ADAMTS19: variants seen among roughly 807,000 people sequenced by gnomAD.
The protein encoded by ADAMTS19 is A disintegrin and metalloproteinase with thrombospondin motifs 19.
Under a neutral mutation model 153.3 loss-of-function variants are expected in ADAMTS19, and 93 were observed. The observed-to-expected ratio is 0.61, with a 90% CI of 0.51 to 0.72. The LOEUF (loss-of-function observed/expected upper bound fraction) is 0.72, where lower values mean the gene tolerates loss of function less well. ADAMTS19 is among the 30% of genes least tolerant of loss of function. ADAMTS19 has a pLI of 0.00. For synonymous variants in ADAMTS19, 600 were observed against 556.6 expected, an observed-to-expected ratio of 1.08 and a Z score of -1.10; for missense variants, 1,482 against 1,552.1, an observed-to-expected ratio of 0.95 and a Z score of 0.76.
chr5:129,602,283 G>C (rs890309801), intron 8 of ADAMTS19, among the ~76,000 whole-genome samples: 3 of 152,096 alleles, frequency 2.0e-5, no homozygotes, highest in South Asian at 2.1e-4. Flanking sequence ...GTAAAGATAG[G>C]TTTCTCCGTG....
At chr5:129,593,057 A>G (rs780514052) in intron 7 of ADAMTS19, among the ~76,000 whole-genome samples, 5 of 152,096 alleles carry the variant, frequency 3.3e-5, no homozygotes, top group Admixed American at 6.6e-5. Flanking sequence ...TTGATTTCCT[A>G]TAACTGGTGT....
In ADAMTS19 at chr5:129,647,903, C is replaced by A; in HGVS notation, c.2003+8C>A. The A allele has an allele frequency of 6.2e-7, 1 of 1,608,178 alleles. No homozygotes were observed. Among genetic ancestry groups the A allele is most frequent in the Non-Finnish European group, 8.5e-7 (1 of 1,175,960 alleles). On this transcript the variant is annotated splice_region_variant and intron_variant, in intron 12 of 22. Coordinates refer to ENST00000274487, the MANE Select transcript of ADAMTS19 (RefSeq NM_133638.6). The stretch of plus-strand genomic sequence containing the variant: ...AGAGCGCAAATGTCCTGGGTAAACT[C>A]AAAGTTCCTGGTTGGGGGAGGGCAC...
intron 10 of ADAMTS19, among the ~76,000 whole-genome samples, chr5:129,628,872 G>C (rs546394566): frequency 6.6e-6 from 1 of 152,176 alleles, no homozygotes; most frequent in South Asian, 2.1e-4. Context: ...TAGGTGTGTA[G>C]TACGCTATAT....
chr5:129,539,292 A>G (rs1752571851), intron 6 of ADAMTS19, among the ~76,000 whole-genome samples: 1 of 152,094 alleles, frequency 6.6e-6, no homozygotes, highest in Non-Finnish European at 1.5e-5. Flanking sequence ...GGGAGGCAGA[A>G]GTTCAAAGTC....
At chr5:129,493,476 G>A (rs1750833989) in intron 2 of ADAMTS19, among the ~76,000 whole-genome samples, 2 of 151,606 alleles carry the variant, frequency 1.3e-5, no homozygotes, top group African/African-American at 2.4e-5. Context: ...TCCCCTTTCA[G>A]TATTTTGAAT....
At chr5:129,715,068 A>G (rs562099322) in intron 21 of ADAMTS19, among the ~76,000 whole-genome samples, 1 of 152,232 alleles carries the variant, frequency 6.6e-6, no homozygotes, top group Non-Finnish European at 1.5e-5. Context: ...TGTAGTGTCA[A>G]CAAAGGTTAT....
chr5:129,721,972 G>GTA (rs1271516304), intron 21 of ADAMTS19, among the ~76,000 whole-genome samples: 1 of 152,102 alleles, frequency 6.6e-6, no homozygotes, highest in Non-Finnish European at 1.5e-5. Flanking sequence ...TGTTGTATAT[G>GTA]TACAATATTT....
intron 7 of ADAMTS19, among the ~76,000 whole-genome samples, chr5:129,587,909 C>G (rs1379656016): frequency 6.6e-6 from 1 of 152,096 alleles, no homozygotes; most frequent in African/African-American, 2.4e-5. Context: ...TCAGCAAATA[C>G]TAACAGGGAA....
intron 19 of ADAMTS19, among the ~76,000 whole-genome samples, chr5:129,696,472 G>C (rs932566609): frequency 6.6e-6 from 1 of 152,126 alleles, no homozygotes; most frequent in Non-Finnish European, 1.5e-5. Context: ...CTTGCTTTCT[G>C]TAGATTCAAT....
intron 2 of ADAMTS19, among the ~76,000 whole-genome samples, chr5:129,492,502 GGTCA>G (rs1197472438): frequency 5.9e-5 from 7 of 119,460 alleles, no homozygotes; most frequent in South Asian, 5.2e-4. Flanking sequence ...TATAATTAAA[GGTCA>G]GTGTGTGTGT....
At chr5:129,626,244 A>G (rs1475899075) in intron 10 of ADAMTS19, among the ~76,000 whole-genome samples, 4 of 152,084 alleles carry the variant, frequency 2.6e-5, no homozygotes, top group African/African-American at 9.7e-5. Context: ...TATATGCTAT[A>G]TTGTCTTCTC....
At chr5:129,572,130 G>T (rs1338972087) in intron 7 of ADAMTS19, among the ~76,000 whole-genome samples, 4 of 151,842 alleles carry the variant, frequency 2.6e-5, no homozygotes, top group Non-Finnish European at 5.9e-5. Context: ...AAGGAAAAAT[G>T]ATAAACTGGA....
At chr5:129,567,711 G>T (rs768305191) in intron 7 of ADAMTS19, among the ~76,000 whole-genome samples, 18 of 151,824 alleles carry the variant, frequency 1.2e-4, no homozygotes, top group Non-Finnish European at 2.2e-4. Flanking sequence ...GAAACTCACT[G>T]GTTCCTGAGG....
chr5:129,682,173 T>A (rs965456039), intron 17 of ADAMTS19, among the ~76,000 whole-genome samples: 11 of 152,200 alleles, frequency 7.2e-5, no homozygotes, highest in African/African-American at 2.7e-4. Context: ...TGAAGCATAA[T>A]TAAACTCAGT....
intron 20 of ADAMTS19, among the ~76,000 whole-genome samples, chr5:129,703,831 T>G (rs1756021774): frequency 6.6e-6 from 1 of 152,192 alleles, no homozygotes; most frequent in Non-Finnish European, 1.5e-5. Flanking sequence ...AATTGTTATT[T>G]TTCACAAACA....
At chr5:129,706,549 A>G (rs1756163638) in intron 21 of ADAMTS19, among the ~76,000 whole-genome samples, 1 of 151,908 alleles carries the variant, frequency 6.6e-6, no homozygotes, top group African/African-American at 2.4e-5. Flanking sequence ...AGCCTGGGTA[A>G]CAAGAGTGAA....
chr5:129,493,713 A>G (rs1039483045), intron 2 of ADAMTS19, among the ~76,000 whole-genome samples: 9 of 152,176 alleles, frequency 5.9e-5, no homozygotes, highest in Non-Finnish European at 1.2e-4. Flanking sequence ...ACAAATGCTA[A>G]AAATAATTTA....
At chr5:129,460,884 C>T (rs1041492775) in intron 1 of ADAMTS19, among the ~76,000 whole-genome samples, 1 of 151,864 alleles carries the variant, frequency 6.6e-6, no homozygotes, top group African/African-American at 2.4e-5. Context: ...ATTCCCCCTC[C>T]CCCGCCCCTA....
At chr5:129,486,554 T>C (rs972555993) in intron 2 of ADAMTS19, among the ~76,000 whole-genome samples, 1 of 152,132 alleles carries the variant, frequency 6.6e-6, no homozygotes, top group Non-Finnish European at 1.5e-5. Flanking sequence ...TGATCAAAAC[T>C]GTCAACAAAC....
Sources: allele counts gnomAD v4.1 joint callset (sites outside exome capture counted in the v4.1 genomes callset), GRCh38; gene constraint gnomAD v4.1.1; transcripts MANE v1.5; gene names NCBI Gene and HGNC (gene_info 2026-07-23, HGNC 2026-07-21).